The following NRXN1 variants were observed in gnomAD, a reference collection of about 807,000 sequenced individuals.
NRXN1 encodes neurexin-1.
Under a neutral mutation model 150.9 loss-of-function variants are expected in NRXN1, and 39 were observed. The observed-to-expected ratio is 0.26, with a 90% CI of 0.20 to 0.34. NRXN1 has a LOEUF of 0.34. NRXN1 is among the 10% of genes least tolerant of loss of function. The pLI is 1.00. For missense variants in NRXN1, 1,815 were observed against 1,949.9 expected (o/e 0.93, Z 1.30); for synonymous variants, 924 against 757.0 (o/e 1.22, Z -3.62).
At chr2:50,066,256 C>T (rs116191323) in intron 19 of NRXN1, among the ~76,000 whole-genome samples, 2,404 of 152,290 alleles carry the variant, frequency 0.016, 23 homozygotes, top group Middle Eastern at 0.027. Flanking sequence ...CAATACATCA[C>T]ATGGATTCTA....
intron 18 of NRXN1, among the ~76,000 whole-genome samples, chr2:50,236,348 C>T (rs1409627456): frequency 6.6e-6 from 1 of 152,008 alleles, no homozygotes; most frequent in Non-Finnish European, 1.5e-5. Flanking sequence ...CCTTTTATTT[C>T]ATGTAGCTTC....
intron 5 of NRXN1, among the ~76,000 whole-genome samples, chr2:50,658,346 G>A (rs1463740348): frequency 6.7e-6 from 1 of 148,828 alleles, no homozygotes; most frequent in Non-Finnish European, 1.5e-5. Context: ...CAGAAACAGG[G>A]CAAAAAAAAA....
At chr2:50,752,618 C>T (rs1035627662) in intron 5 of NRXN1, among the ~76,000 whole-genome samples, 5 of 151,366 alleles carry the variant, frequency 3.3e-5, no homozygotes, top group Non-Finnish European at 5.9e-5. Context: ...CTTCAGAAAG[C>T]TTTCATTAAT....
At chr2:50,282,958 C>T (rs1390056653) in intron 17 of NRXN1, among the ~76,000 whole-genome samples, 1 of 152,052 alleles carries the variant, frequency 6.6e-6, no homozygotes, top group African/African-American at 2.4e-5. Context: ...TCTCTTTTAC[C>T]ATGGATACTT....
chr2:50,143,919 A>C (rs1343406572), intron 18 of NRXN1, among the ~76,000 whole-genome samples: 2 of 151,946 alleles, frequency 1.3e-5, no homozygotes, highest in Non-Finnish European at 2.9e-5. Context: ...CGTATAGAAT[A>C]CTAAAAAAAA....
intron 6 of NRXN1, among the ~76,000 whole-genome samples, chr2:50,622,818 A>G (rs1340244901): frequency 6.6e-6 from 1 of 152,170 alleles, no homozygotes; most frequent in Non-Finnish European, 1.5e-5. Flanking sequence ...GTAAGCCCCT[A>G]AAGAAATTTT....
rs142726457 is a variant in NRXN1, at chr2:50,034,247, G to A, written c.4128+19024C>T. ...GCAAAGACATGGAATCAACCTAAGT[G>A]CCCATTATTGGTAGACTGGATAAAG... On this transcript the variant is annotated intron_variant, in intron 21 of 22. Transcript: ENST00000401669. 3.2e-4 allele frequency among the ~76,000 whole-genome samples: 49 copies of A among 152,122 alleles called. No individual in the cohort carries two copies. The East Asian group carries it at 9.1e-3, about 28-fold the overall frequency.
chr2:50,097,980 G>T (rs1700465991), intron 18 of NRXN1, among the ~76,000 whole-genome samples: 1 of 151,962 alleles, frequency 6.6e-6, no homozygotes, highest in African/African-American at 2.4e-5. Flanking sequence ...AGGCCCTCTT[G>T]GCTGGTAGAG....
At chr2:50,081,111 A>T (rs1417950940) in intron 19 of NRXN1, among the ~76,000 whole-genome samples, 3 of 152,216 alleles carry the variant, frequency 2.0e-5, no homozygotes. Flanking sequence ...AGAGATTCAA[A>T]GGAAGTTAAG....
At chr2:50,352,719 A>G (rs920949619) in intron 17 of NRXN1, among the ~76,000 whole-genome samples, 2 of 150,122 alleles carry the variant, frequency 1.3e-5, no homozygotes, top group Non-Finnish European at 3.0e-5. Context: ...GCAGGTCCCT[A>G]AGAGTAAGAT....
intron 5 of NRXN1, among the ~76,000 whole-genome samples, chr2:50,750,829 T>C (rs1158581370): frequency 6.6e-6 from 1 of 152,052 alleles, no homozygotes; most frequent in African/African-American, 2.4e-5. Flanking sequence ...GAAATGAATG[T>C]GCAGAACGTC....
At chr2:50,334,852 G>C (rs997806407) in intron 17 of NRXN1, among the ~76,000 whole-genome samples, 2 of 152,190 alleles carry the variant, frequency 1.3e-5, no homozygotes, top group Non-Finnish European at 2.9e-5. Flanking sequence ...CCTTGGAGGA[G>C]GGGCGATACA....
At chr2:50,976,415 T>C (rs1391472296) in intron 2 of NRXN1, among the ~76,000 whole-genome samples, 1 of 152,018 alleles carries the variant, frequency 6.6e-6, no homozygotes, top group Non-Finnish European at 1.5e-5. Flanking sequence ...CTTTAATTGC[T>C]GTGTCATGCA....
At chr2:50,813,566 C>T (rs1236130579) in intron 5 of NRXN1, among the ~76,000 whole-genome samples, 2 of 152,046 alleles carry the variant, frequency 1.3e-5, no homozygotes, top group African/African-American at 2.4e-5. Context: ...TATGAATTCC[C>T]TCATTTGATC....
chr2:50,888,884 C>T (rs1482419756), intron 5 of NRXN1, among the ~76,000 whole-genome samples: 1 of 151,612 alleles, frequency 6.6e-6, no homozygotes, highest in African/African-American at 2.4e-5. Flanking sequence ...GATTTGATAA[C>T]TACCTGTTCA....
chr2:50,223,770 T>C (rs2064107002), intron 18 of NRXN1, among the ~76,000 whole-genome samples: 1 of 151,876 alleles, frequency 6.6e-6, no homozygotes. Context: ...ACACAGAGAC[T>C]CCCCCTGCCT....
intron 5 of NRXN1, among the ~76,000 whole-genome samples, chr2:50,890,167 A>G (rs1167651462): frequency 6.6e-6 from 1 of 151,756 alleles, no homozygotes; most frequent in Non-Finnish European, 1.5e-5. Flanking sequence ...TGCATCACCT[A>G]CTTCCAAAAT....
chr2:50,796,787 T>C (rs1006629688), intron 5 of NRXN1, among the ~76,000 whole-genome samples: 2 of 152,214 alleles, frequency 1.3e-5, no homozygotes, highest in Admixed American at 1.3e-4. Flanking sequence ...ATGAGTTTTT[T>C]AGTATTTTAG....
intron 2 of NRXN1, among the ~76,000 whole-genome samples, chr2:50,969,167 A>G (rs1694601589): frequency 1.3e-5 from 2 of 152,092 alleles, no homozygotes; most frequent in South Asian, 4.1e-4. Flanking sequence ...GGATGACGCA[A>G]CTGAAAGTCA....
Sources: gnomAD v4.1 joint callset for allele counts (sites outside exome capture counted in the v4.1 genomes callset) on GRCh38, gnomAD v4.1.1 for gene constraint, MANE v1.5 for transcripts, NCBI Gene and HGNC (gene_info 2026-07-23, HGNC 2026-07-21) for gene names.